Variants in LSAMP observed in about 807,000 individuals in gnomAD.
The protein encoded by LSAMP is limbic system-associated membrane protein.
A neutral mutation model predicts 38.6 loss-of-function variants in LSAMP; 7 were observed. The observed-to-expected ratio is 0.18, with a 90% confidence interval of 0.10 to 0.34. The LOEUF (loss-of-function observed/expected upper bound fraction) is 0.34. Ranked by LOEUF, LSAMP falls within the 10% of genes least tolerant of loss-of-function variation. The probability of loss-of-function intolerance (pLI) is 1.00; values close to 1 mark genes in which losing one functional copy is unlikely to be tolerated. For synonymous variants in LSAMP, 154 were observed against 166.8 expected, an observed-to-expected ratio of 0.92 and a Z score of 0.59; for missense variants, 313 against 420.0, an observed-to-expected ratio of 0.75 and a Z score of 2.23.
At chr3:116,150,521 A>G (rs1414189914) in intron 1 of LSAMP, among the ~76,000 whole-genome samples, 1 of 152,070 alleles carries the variant, frequency 6.6e-6, no homozygotes, top group Non-Finnish European at 1.5e-5. Flanking sequence ...ACACAGCAGC[A>G]GAAAGAAAAG....
chr3:116,376,464 G>A (rs908083006), intron 1 of LSAMP, among the ~76,000 whole-genome samples: 2 of 151,978 alleles, frequency 1.3e-5, no homozygotes, highest in African/African-American at 4.8e-5. Flanking sequence ...ATTGCAGTGG[G>A]ATTCAGGTTT....
chr3:115,834,137 A>G (rs986167697), intron 6 of LSAMP, among the ~76,000 whole-genome samples: 1 of 152,142 alleles, frequency 6.6e-6, no homozygotes, highest in Non-Finnish European at 1.5e-5. Context: ...ATATACATTA[A>G]TTTTTATAAG....
At chr3:116,268,392 A>C (rs1159544206) in intron 1 of LSAMP, among the ~76,000 whole-genome samples, 1 of 151,592 alleles carries the variant, frequency 6.6e-6, no homozygotes, top group Non-Finnish European at 1.5e-5. Flanking sequence ...CCTATCCTTC[A>C]TGTAAGGCAC....
intron 1 of LSAMP, among the ~76,000 whole-genome samples, chr3:116,421,852 A>G (rs1295338472): frequency 1.3e-5 from 2 of 152,234 alleles, no homozygotes; most frequent in Non-Finnish European, 2.9e-5. Flanking sequence ...TGGTGTAGTT[A>G]TTTTGGAAAA....
At chr3:115,896,442 T>A (rs1354847250) in intron 3 of LSAMP, among the ~76,000 whole-genome samples, 1 of 152,060 alleles carries the variant, frequency 6.6e-6, no homozygotes, top group Non-Finnish European at 1.5e-5. Flanking sequence ...ATACTCCTTG[T>A]GGATATATAT....
intron 1 of LSAMP, among the ~76,000 whole-genome samples, chr3:116,118,654 C>A (rs925734706): frequency 6.6e-6 from 1 of 152,090 alleles, no homozygotes; most frequent in Admixed American, 6.6e-5. Flanking sequence ...GAGTTAGCTC[C>A]GTGAGACCAG....
At chr3:115,974,206 T>C (rs770710165) in intron 3 of LSAMP, among the ~76,000 whole-genome samples, 3 of 151,960 alleles carry the variant, frequency 2.0e-5, no homozygotes, top group Non-Finnish European at 4.4e-5. Flanking sequence ...TAGCCAGGCA[T>C]GATGGCAGGC....
chr3:116,157,021 T>G (rs1402272280), intron 1 of LSAMP, among the ~76,000 whole-genome samples: 3 of 152,232 alleles, frequency 2.0e-5, no homozygotes, highest in African/African-American at 7.2e-5. Context: ...GGAGGTTATA[T>G]GCGGAGCACT....
intron 1 of LSAMP, among the ~76,000 whole-genome samples, chr3:116,242,999 T>A (rs1025928719): frequency 4.6e-5 from 7 of 152,060 alleles, no homozygotes; most frequent in Non-Finnish European, 8.8e-5. Context: ...ATGTAGAGAC[T>A]TGATTAAGAG....
chr3:115,918,677 T>A (rs1250007898), intron 3 of LSAMP, among the ~76,000 whole-genome samples: 1 of 151,732 alleles, frequency 6.6e-6, no homozygotes, highest in African/African-American at 2.4e-5. Flanking sequence ...AGCTTCATTT[T>A]TAGATTAGGG....
intron 1 of LSAMP, among the ~76,000 whole-genome samples, chr3:116,235,473 G>C (rs2046453438): frequency 6.6e-6 from 1 of 152,090 alleles, no homozygotes; most frequent in Admixed American, 6.6e-5. Context: ...GGGAGAAATG[G>C]AAGGAGAAAG....
At chr3:116,052,548 G>A (rs898834416) in intron 2 of LSAMP, among the ~76,000 whole-genome samples, 53 of 152,090 alleles carry the variant, frequency 3.5e-4, no homozygotes, top group Non-Finnish European at 7.6e-4. Flanking sequence ...AATGCCTCTA[G>A]GTCTCTGGTA....
chr3:116,432,173 G>A (rs2049290536), intron 1 of LSAMP, among the ~76,000 whole-genome samples: 1 of 151,718 alleles, frequency 6.6e-6, no homozygotes, highest in Admixed American at 6.6e-5. Context: ...TAAAAATTTG[G>A]TTTTCTGTAT....
At chr3:116,327,263 C>T (rs2047785814) in intron 1 of LSAMP, among the ~76,000 whole-genome samples, 1 of 152,144 alleles carries the variant, frequency 6.6e-6, no homozygotes, top group African/African-American at 2.4e-5. Context: ...CAGTTCTTAC[C>T]ACCTGTCATG....
intron 1 of LSAMP, among the ~76,000 whole-genome samples, chr3:116,199,586 A>C (rs2045962388): frequency 6.6e-6 from 1 of 152,154 alleles, no homozygotes. Flanking sequence ...TAAATGAGTG[A>C]GCAAATAAAT....
intron 3 of LSAMP, among the ~76,000 whole-genome samples, chr3:115,921,461 C>T (rs1287972564): frequency 6.6e-6 from 1 of 152,074 alleles, no homozygotes; most frequent in African/African-American, 2.4e-5. Flanking sequence ...CCCCTCCACA[C>T]ATACGCATGT....
At chr3:116,119,057 T>C (rs1478180878) in intron 1 of LSAMP, among the ~76,000 whole-genome samples, 1 of 152,214 alleles carries the variant, frequency 6.6e-6, no homozygotes, top group African/African-American at 2.4e-5. Flanking sequence ...TTTATAGCAC[T>C]ATATATTCTG....
At chr3:115,830,204 T>G (rs1329771353) in intron 6 of LSAMP, among the ~76,000 whole-genome samples, 1 of 152,202 alleles carries the variant, frequency 6.6e-6, no homozygotes, top group East Asian at 1.9e-4. Context: ...CTGCTCAAGT[T>G]TTTAAAAAAT....
At chr3:116,232,869 T>A (rs1356494312) in intron 1 of LSAMP, among the ~76,000 whole-genome samples, 1 of 151,932 alleles carries the variant, frequency 6.6e-6, no homozygotes, top group East Asian at 1.9e-4. Context: ...GATGAACTAC[T>A]CAAACTGGAG....
Sources: gnomAD v4.1 joint callset for allele counts (sites outside exome capture counted in the v4.1 genomes callset) on GRCh38, gnomAD v4.1.1 for gene constraint, MANE v1.5 for transcripts, NCBI Gene and HGNC (gene_info 2026-07-23, HGNC 2026-07-21) for gene names.